DOCK9: variants seen among roughly 807,000 people sequenced by gnomAD.
DOCK9 encodes the protein dedicator of cytokinesis protein 9.
DOCK9 carries 89 observed loss-of-function variants against 263.3 expected under a neutral mutation model. The observed-to-expected ratio is 0.34, with a 90% CI of 0.28 to 0.40. DOCK9 has a LOEUF of 0.40. Ranked by LOEUF, DOCK9 falls within the 10% of genes least tolerant of loss-of-function variation. DOCK9 has a pLI of 1.00. For missense variants in DOCK9, 2,140 were observed against 2,603.4 expected, an observed-to-expected ratio of 0.82 and a Z score of 3.87; for synonymous variants, 976 against 973.1, an observed-to-expected ratio of 1.00 and a Z score of -0.06.
chr13:98,895,302 A>G (rs1427588854), intron 15 of DOCK9, among the ~76,000 whole-genome samples: 1 of 152,166 alleles, frequency 6.6e-6, no homozygotes, highest in Non-Finnish European at 1.5e-5. Context: ...GAAATATTAC[A>G]TATTTAGTAT....
At chr13:99,073,346 CTCT>C (rs765715965) in intron 1 of DOCK9, among the ~76,000 whole-genome samples, 63 of 133,136 alleles carry the variant, frequency 4.7e-4, no homozygotes, top group Admixed American at 8.4e-4. Context: ...TTTCTCTCCT[CTCT>C]TCTTCTTCTT....
Position 98,825,844 on chromosome 13 carries a change from C to G in DOCK9, c.5023+986G>C. ...GCACGTGACCAGGGCAGGGGGTCCC[C>G]GGGGGCTGGGCTGATCCTCAGGCTC... On this transcript the variant is annotated intron_variant, in intron 44 of 52. Coordinates refer to ENST00000682017, the MANE Select transcript of DOCK9 (RefSeq NM_001366683.2). The surrounding 1 kb of genome is among the most constrained non-coding windows in gnomAD (Gnocchi z 4.1). 1 of 1,454,616 alleles carries G rather than the reference C, an allele frequency of 6.9e-7. No individual in the cohort carries two copies. Among genetic ancestry groups the G allele is most frequent in the South Asian group, 1.5e-5 (1 of 68,110 alleles). 90.1% of individuals were successfully genotyped at this position (1,454,616 alleles called of 1,614,324 possible).
chr13:99,065,203 C>T (rs117579089), intron 1 of DOCK9, among the ~76,000 whole-genome samples: 4,105 of 152,256 alleles, frequency 0.027, 90 homozygotes, highest in Middle Eastern at 0.044. Context: ...AATAAATGTC[C>T]TAATCTAATC....
At chr13:98,980,167 G>A (rs570808385), upstream of DOCK9, among the ~76,000 whole-genome samples, 1 of 152,318 alleles carries the variant, frequency 6.6e-6, no homozygotes, top group South Asian at 2.1e-4. Flanking sequence ...GGAACTAGAG[G>A]TGTGAGCCAC....
rs772838017 is a variant in DOCK9 at position 98,906,930 on chromosome 13, AC to A, written c.961-2225del. On this transcript the variant is annotated intron_variant, in intron 9 of 52. Transcript: ENST00000682017. ...GATGATGGCTCAAGTCTGTTGCCAC[AC>A]CAAGTTTATCTTGATGCTATCGATG... 9.2e-5 allele frequency among the ~76,000 whole-genome samples: 14 copies of A among 152,278 alleles called. 1 individual carries two copies. The South Asian group carries it at 1.2e-3, about 14-fold the overall frequency.
At chr13:98,973,475 CAG>C (rs1385642434) in intron 1 of DOCK9, among the ~76,000 whole-genome samples, 2 of 152,198 alleles carry the variant, frequency 1.3e-5, no homozygotes, top group Non-Finnish European at 2.9e-5. Context: ...TGCCTTCTCA[CAG>C]AGTTATTTAG....
At position 98,829,258 on chromosome 13, in the gene DOCK9, C is replaced by T. The variant is rs1422333662; in HGVS notation, c.4965+49G>A. ...AACTGGCTTTTTAAGTGAATGGGGC[C>T]TCACTGGTTTTTTCAAAAACCCATT... On this transcript the variant is annotated intron_variant, in intron 43 of 52. Coordinates refer to ENST00000682017, the MANE Select transcript of DOCK9 (RefSeq NM_001366683.2). The surrounding 1 kb of genome is among the most constrained non-coding windows in gnomAD (Gnocchi z 4.1). The T allele has an allele frequency of 5.9e-6, 9 of 1,528,616 alleles. No individual in the cohort carries two copies. The highest frequency in any genetic ancestry group is 8.0e-6 in the Non-Finnish European group (9 of 1,124,950). 94.7% of individuals were successfully genotyped at this position (1,528,616 alleles called of 1,614,324 possible).
intron 2 of DOCK9, among the ~76,000 whole-genome samples, chr13:98,942,229 T>TG (rs35454057): frequency 0.16 from 20,830 of 127,332 alleles, 2,152 homozygotes; most frequent in East Asian, 0.42. Context: ...TGTTTTTTTT[T>TG]TTGTTGTTTT....
At chr13:98,931,760 C>T (rs2053980618) in intron 2 of DOCK9, among the ~76,000 whole-genome samples, 1 of 151,924 alleles carries the variant, frequency 6.6e-6, no homozygotes, top group African/African-American at 2.4e-5. Flanking sequence ...ACCACACCCG[C>T]CTAATTTTTG....
chr13:98,797,570 T>C (rs2089585204), intron 50 of DOCK9, 81 bp from the exon 51 acceptor site: 1 of 1,277,130 alleles, frequency 7.8e-7, no homozygotes, highest in Admixed American at 2.1e-5. Context: ...TTGCAGGCAC[T>C]AAAAAGCCCG....
At chr13:99,037,827 C>T (rs896272010) in intron 1 of DOCK9, among the ~76,000 whole-genome samples, 4 of 152,154 alleles carry the variant, frequency 2.6e-5, no homozygotes, top group African/African-American at 9.7e-5. Context: ...AACATGGATG[C>T]GTCTCAAATT....
chr13:99,069,610 A>G (rs879341442), intron 1 of DOCK9, among the ~76,000 whole-genome samples: 1 of 152,242 alleles, frequency 6.6e-6, no homozygotes, highest in Non-Finnish European at 1.5e-5. Context: ...GTAGACCACA[A>G]AGGTTTATCC....
intron 15 of DOCK9, among the ~76,000 whole-genome samples, chr13:98,895,155 A>AAG (rs1022085598): frequency 6.6e-6 from 1 of 150,624 alleles, no homozygotes; most frequent in Admixed American, 6.6e-5. Context: ...GGAAAAAAAA[A>AAG]AAAAAGTCAA....
At chr13:98,941,863 G>A (rs1429923117) in intron 2 of DOCK9, among the ~76,000 whole-genome samples, 1 of 152,206 alleles carries the variant, frequency 6.6e-6, no homozygotes, top group Admixed American at 6.5e-5. Context: ...GCCAAGCAAT[G>A]GAAGGGCAGT....
intron 1 of DOCK9, among the ~76,000 whole-genome samples, chr13:99,002,924 T>C (rs1882648777): frequency 6.6e-6 from 1 of 151,400 alleles, no homozygotes; most frequent in Non-Finnish European, 1.5e-5. Flanking sequence ...CCACAGTTTC[T>C]ACATCAGGGG....
At chr13:98,989,937 A>G (rs1410055900) in intron 1 of DOCK9, among the ~76,000 whole-genome samples, 1 of 152,246 alleles carries the variant, frequency 6.6e-6, no homozygotes, top group African/African-American at 2.4e-5. Flanking sequence ...AGAGCAGTAC[A>G]ATATTCACAC....
At chr13:98,826,949 CACAG>C (rs1322089347) in intron 43 of DOCK9, 62 bp from the exon 44 acceptor site, 17 of 1,297,462 alleles carry the variant, frequency 1.3e-5, no homozygotes, top group Non-Finnish European at 1.5e-5. Context: ...AATGCTCCCA[CACAG>C]ACAGAAATCT....
chr13:98,882,105 C>T lies in DOCK9; in HGVS notation c.2560-98G>A. 3.9e-6 allele frequency: 4 copies of T among 1,023,368 alleles called. No homozygotes were observed. In the Admixed American group the frequency reaches 6.1e-5, roughly 16 times the overall value. 63.4% of individuals were successfully genotyped at this position (1,023,368 alleles called of 1,614,324 possible). On this transcript the variant is annotated intron_variant, in intron 23 of 52. Coordinates refer to ENST00000682017, the MANE Select transcript of DOCK9 (RefSeq NM_001366683.2). ...CCAAACAAGGATGGAAGAACTCCCT[C>T]TAAAACAAAGGGAAGGCTGTGGTGG...
chr13:98,853,925 G>A (rs2093636481), intron 34 of DOCK9, among the ~76,000 whole-genome samples: 2 of 152,164 alleles, frequency 1.3e-5, no homozygotes, highest in South Asian at 2.1e-4. Flanking sequence ...ACCTCCTGAG[G>A]ACAACAGCCG....
Sources: gnomAD v4.1 joint callset for allele counts (sites outside exome capture counted in the v4.1 genomes callset) on GRCh38, gnomAD v4.1.1 for gene constraint, Gnocchi (gnomAD v3.1) non-coding constraint, MANE v1.5 for transcripts, NCBI Gene and HGNC (gene_info 2026-07-23, HGNC 2026-07-21) for gene names.